The following PILRA variants were observed in gnomAD, a reference collection of about 807,000 sequenced individuals.
The protein encoded by PILRA is paired immunoglobulin-like type 2 receptor alpha.
In PILRA, 37 loss-of-function variants were observed where a neutral mutation model predicts 33.1. The observed-to-expected ratio is 1.12, with a 90% confidence interval of 0.86 to 1.47. The LOEUF (loss-of-function observed/expected upper bound fraction) is 1.47. Ranked by LOEUF, PILRA falls within the 40% of genes most tolerant of loss-of-function variation. PILRA has a pLI of 0.00. For missense variants in PILRA, 312 were observed against 376.2 expected (o/e 0.83, Z 1.41); for synonymous variants, 146 against 149.9 (o/e 0.97, Z 0.19).
intron 1 of PILRA, 135 bp downstream of exon 1, chr7:100,373,855 G>A (rs1790878227): frequency 7.6e-6 from 10 of 1,312,712 alleles, no homozygotes; most frequent in Admixed American, 6.1e-5. Flanking sequence ...CACAGGGGCG[G>A]GTGACCCCAT....
Position 100,397,901 on chromosome 7 carries a change from A to T in PILRA, c.696A>T (p.Thr232=). The change falls in exon 4 of 7, where the codon ACA becomes ACT. Residue 232 remains threonine, a synonymous_variant. Coordinates refer to ENST00000198536, the MANE Select transcript of PILRA (RefSeq NM_013439.3). ...RRKGQQRTKA[T]TPAREPFQNT... Reference sequence around the variant, plus strand: ...CAGGTCAGCAGCGGACTAAAGCCACAACCCCAGCCAGGTGAGTGCTGGGCC... The same window carrying T: ...CAGGTCAGCAGCGGACTAAAGCCACTACCCCAGCCAGGTGAGTGCTGGGCC... 6.2e-7 allele frequency: 1 copy of T among 1,614,014 alleles called. No individual in the cohort carries two copies. The highest frequency in any genetic ancestry group is 8.5e-7 in the Non-Finnish European group (1 of 1,179,914).
intron 1 of PILRA, 150 bp from the exon 2 acceptor site, chr7:100,373,894 T>C: frequency 1.7e-6 from 2 of 1,179,858 alleles, no homozygotes; most frequent in Non-Finnish European, 2.4e-6. Context: ...CCCCCATGCC[T>C]GAAGAGTGGG....
At position 100,399,779 on chromosome 7, in the gene PILRA, G is replaced by A. The variant is rs370256521; in HGVS notation, c.790-6G>A. ...TCTAACCCTTTCTCTCTGGGTTCTC[G>A]CCCAGGATGACGGCATCGTCTATGC... On this transcript the variant is annotated splice_polypyrimidine_tract_variant and splice_region_variant and intron_variant, in intron 6 of 6. Coordinates refer to ENST00000198536, the MANE Select transcript of PILRA (RefSeq NM_013439.3). The A allele has an allele frequency of 6.2e-6, 10 of 1,609,540 alleles. No individual in the cohort carries two copies. The highest frequency in any genetic ancestry group is 1.7e-5 in the Admixed American group (1 of 59,470).
intron 2 of PILRA, among the ~76,000 whole-genome samples, chr7:100,381,244 C>T (rs1791085326): frequency 1.3e-5 from 2 of 151,692 alleles, no homozygotes; most frequent in South Asian, 2.1e-4. Flanking sequence ...CCAGCCTGGG[C>T]GACAGAGCGA....
Position 100,373,740 on chromosome 7 carries a change from C to G in PILRA, c.64+20C>G, listed in dbSNP as rs759314993. On this transcript the variant is annotated intron_variant, in intron 1 of 6. Coordinates refer to ENST00000198536, the MANE Select transcript of PILRA (RefSeq NM_013439.3). Reference sequence around the variant, plus strand: ...AGCCTAGTGAGTACCCAGGACCACCCAGATGTGGGCTCTGCCCAAACCACA... The same window carrying G: ...AGCCTAGTGAGTACCCAGGACCACCGAGATGTGGGCTCTGCCCAAACCACA... 1.2e-5 allele frequency: 20 copies of G among 1,612,358 alleles called. No homozygotes were observed. Among genetic ancestry groups the G allele is most frequent in the Non-Finnish European group, 1.5e-5 (18 of 1,179,838 alleles).
chr7:100,399,647 G>T, intron 6 of PILRA, 35 bp downstream of exon 6: 1 of 1,613,548 alleles, frequency 6.2e-7, no homozygotes, highest in South Asian at 1.1e-5. Flanking sequence ...AGGAATTAAA[G>T]AGAAGCCTGG....
Position 100,373,594 on chromosome 7 carries a change from A to G in PILRA, c.-63A>G. 6.3e-7 allele frequency: 1 copy of G among 1,592,318 alleles called. No homozygotes were observed. On this transcript the variant is annotated 5_prime_UTR_variant, in exon 1 of 7. Coordinates refer to ENST00000198536, the MANE Select transcript of PILRA (RefSeq NM_013439.3). ...CTCAACCCCCAGGCGGCCCCTCCAC[A>G]GGGCCCCTCTCCTGCCTGGACGGCT...
At chr7:100,399,695 G>A (rs1791611211) in intron 6 of PILRA, 83 bp downstream of exon 6, 1 of 1,611,122 alleles carries the variant, frequency 6.2e-7, no homozygotes, top group African/African-American at 1.3e-5. Context: ...AGTGTGGTGT[G>A]GGCAGGAGAG....
Position 100,374,378 on chromosome 7 carries a change from C to T in PILRA, c.399C>T (p.Ser133=). 6.2e-7 allele frequency: 1 copy of T among 1,614,112 alleles called. No individual in the cohort carries two copies. Among genetic ancestry groups the T allele is most frequent in the African/African-American group, 1.3e-5 (1 of 75,002 alleles). Reference sequence around the variant, plus strand: ...GCCGAGTTGAGCTGGACACACGGAGCTCAGGGAGGCAGCAGTGGCAGTCCA... The same window carrying T: ...GCCGAGTTGAGCTGGACACACGGAGTTCAGGGAGGCAGCAGTGGCAGTCCA... The part of the protein sequence containing the change: ...YFCRVELDTR[S]SGRQQWQSIE... Residue 133 remains serine (S), a synonymous_variant, in exon 2 of 7, where the codon AGC becomes AGT. Transcript: ENST00000198536.
In PILRA at chr7:100,399,794, A is replaced by G. The variant is rs766212944; in HGVS notation, c.799A>G (p.Ile267Val). Residue 267 changes from isoleucine (I) to valine (V), a missense_variant, in exon 7 of 7, where the codon ATC becomes GTC. By Grantham distance (29) the Ile-to-Val change is conservative. Coordinates refer to ENST00000198536, the MANE Select transcript of PILRA (RefSeq NM_013439.3). ...DPKLNPKDDG[I>V]VYASLALSSS... ...CTGGGTTCTCGCCCAGGATGACGGC[A>G]TCGTCTATGCTTCCCTTGCCCTCTC... is the stretch of plus-strand genomic sequence containing the variant. The G allele has an allele frequency of 6.2e-7, 1 of 1,611,114 alleles. No individual in the cohort carries two copies. The highest frequency in any genetic ancestry group is 1.7e-5 in the Admixed American group (1 of 59,724).
At chr7:100,385,711 C>T (rs979708109) in intron 2 of PILRA, among the ~76,000 whole-genome samples, 1 of 152,146 alleles carries the variant, frequency 6.6e-6, no homozygotes, top group East Asian at 1.9e-4. Flanking sequence ...CTCACTGCAA[C>T]CTCTGCCTCC....
intron 2 of PILRA, among the ~76,000 whole-genome samples, chr7:100,381,018 G>T (rs1029260279): frequency 6.6e-6 from 1 of 151,874 alleles, no homozygotes; most frequent in Admixed American, 6.6e-5. Flanking sequence ...TGTAATCCCA[G>T]CACTTTGGGA....
chr7:100,382,461 G>A (rs567275619), intron 2 of PILRA, among the ~76,000 whole-genome samples: 15 of 152,298 alleles, frequency 9.8e-5, no homozygotes, highest in African/African-American at 3.6e-4. Context: ...GCACCAATCA[G>A]CGCTCTGTGT....
chr7:100,382,437 C>T (rs959580053), intron 2 of PILRA, among the ~76,000 whole-genome samples: 1 of 152,156 alleles, frequency 6.6e-6, no homozygotes, highest in Non-Finnish European at 1.5e-5. Context: ...GTATCTAGCT[C>T]AAGGTTTGTG....
chr7:100,380,646 C>T (rs2130177951), intron 2 of PILRA, among the ~76,000 whole-genome samples: 1 of 152,142 alleles, frequency 6.6e-6, no homozygotes, highest in African/African-American at 2.4e-5. Context: ...AAGACTCTGT[C>T]TCTATAAAAA....
chr7:100,382,297 A>G (rs1295184436), intron 2 of PILRA, among the ~76,000 whole-genome samples: 1 of 152,276 alleles, frequency 6.6e-6, no homozygotes, highest in Non-Finnish European at 1.5e-5. Context: ...GAATGCACCA[A>G]TCAGTACCCT....
chr7:100,377,214 T>C (rs1407476958), intron 2 of PILRA, among the ~76,000 whole-genome samples: 2 of 151,656 alleles, frequency 1.3e-5, no homozygotes, highest in African/African-American at 4.8e-5. Flanking sequence ...GTGTTCTTCT[T>C]TGTCACTTTT....
upstream of PILRA, chr7:100,373,405 A>G (rs1790861906): frequency 1.7e-6 from 1 of 579,876 alleles, no homozygotes; most frequent in Non-Finnish European, 3.1e-6. Context: ...GCCTTTGGGC[A>G]GGGCTGACTT....
chr7:100,375,346 A>C (rs906108187), intron 2 of PILRA, among the ~76,000 whole-genome samples: 2 of 152,224 alleles, frequency 1.3e-5, no homozygotes, highest in Non-Finnish European at 2.9e-5. Context: ...AGGAACTGCT[A>C]TTCTCTTCAG....
Sources: allele counts gnomAD v4.1 joint callset (sites outside exome capture counted in the v4.1 genomes callset), GRCh38; gene constraint gnomAD v4.1.1; transcripts MANE v1.5; gene names NCBI Gene and HGNC (gene_info 2026-07-23, HGNC 2026-07-21).